The following GJB7 variants were observed in gnomAD, a reference collection of about 807,000 sequenced individuals.
The protein encoded by GJB7 is gap junction protein beta 7, also known as gap junction beta-7 protein.
For synonymous variants in GJB7, 87 were observed against 95.2 expected (o/e 0.91, Z 0.50); for missense variants, 253 against 256.8 (o/e 0.99, Z 0.10).
intron 2 of GJB7, among the ~76,000 whole-genome samples, chr6:87,315,378 TGAG>T (rs766196407): frequency 6.6e-6 from 1 of 152,278 alleles, no homozygotes; most frequent in South Asian, 2.1e-4. Context: ...AGTTGTTCCA[TGAG>T]ATTTGATATA....
rs751271087 is a variant in GJB7 at position 87,284,495 on chromosome 6, CAAGG to C, written c.414_417del (p.Phe138LeufsTer17). 65 of 1,610,580 alleles carry C rather than the reference CAAGG, an allele frequency of 4.0e-5. No individual in the cohort carries two copies. Among genetic ancestry groups the C allele is most frequent in the Middle Eastern group, 1.7e-4 (1 of 6,048 alleles). ...CCATCATATAGCTTATAAAATAAAA[CAAGG>C]AAGCCAATTTCAAAACCAGTTTTAA... On this transcript the variant is annotated frameshift_variant, in exon 3 of 3. Transcript: ENST00000525899. LOFTEE classifies it low-confidence loss of function (END_TRUNC).
chr6:87,301,243 C>T (rs988012429), intron 2 of GJB7, among the ~76,000 whole-genome samples: 3 of 152,220 alleles, frequency 2.0e-5, no homozygotes, highest in East Asian at 1.9e-4. Flanking sequence ...TCGCCTCACC[C>T]GGGAAGCACA....
chr6:87,325,841 G>C (rs1312689129), intron 1 of GJB7, among the ~76,000 whole-genome samples: 5 of 152,210 alleles, frequency 3.3e-5, no homozygotes, highest in Non-Finnish European at 7.3e-5. Flanking sequence ...AGAAGGAATG[G>C]TACCAGTTCC....
Position 87,284,630 on chromosome 6 carries a change from C to T in GJB7, c.283G>A (p.Val95Ile). Residue 95 changes from valine to isoleucine, a missense_variant, in exon 3 of 3, where the codon GTA becomes ATA. Val to Ile is a conservative substitution (Grantham distance 29, BLOSUM62 3). Coordinates refer to ENST00000525899, the MANE Select transcript of GJB7 (RefSeq NM_198568.3). ...STPSLLVVLH[V>I]AYHEGREKRH... ...TTCTCTCTACCCTCATGATAGGCTA[C>T]ATGTAAAACCACCAGAAGTGAAGGT... 2 of 1,614,134 alleles carry T rather than the reference C, an allele frequency of 1.2e-6. No individual in the cohort carries two copies. Among genetic ancestry groups the T allele is most frequent in the Non-Finnish European group, 1.7e-6 (2 of 1,180,026 alleles).
At chr6:87,306,888 A>G (rs1377631325) in intron 2 of GJB7, among the ~76,000 whole-genome samples, 3 of 152,206 alleles carry the variant, frequency 2.0e-5, no homozygotes, top group Non-Finnish European at 4.4e-5. Context: ...ACATGGATGA[A>G]TTGGAAATCA....
intron 1 of GJB7, among the ~76,000 whole-genome samples, chr6:87,324,949 G>T (rs531551869): frequency 6.6e-5 from 10 of 152,164 alleles, no homozygotes; most frequent in African/African-American, 1.9e-4. Context: ...ATTTCCTTGA[G>T]CAGTGGTTTG....
At chr6:87,295,374 A>G (rs1263412535) in intron 2 of GJB7, among the ~76,000 whole-genome samples, 1 of 152,176 alleles carries the variant, frequency 6.6e-6, no homozygotes, top group Non-Finnish European at 1.5e-5. Flanking sequence ...ATTACTTAGT[A>G]ATGATTGACA....
chr6:87,318,022 C>T (rs1471927708), intron 2 of GJB7, among the ~76,000 whole-genome samples: 6 of 151,450 alleles, frequency 4.0e-5, no homozygotes, highest in Middle Eastern at 3.2e-3. Flanking sequence ...TACAAAATGA[C>T]CTGACATGAA....
chr6:87,300,397 G>T (rs1776303306), intron 2 of GJB7: 3 of 245,304 alleles, frequency 1.2e-5, no homozygotes, highest in Non-Finnish European at 2.6e-5. Flanking sequence ...AATTTCTAAA[G>T]GGAAGAACCC....
intron 2 of GJB7, among the ~76,000 whole-genome samples, chr6:87,295,912 A>T (rs1776243523): frequency 6.6e-6 from 1 of 152,258 alleles, no homozygotes; most frequent in African/African-American, 2.4e-5. Context: ...ATTACCTAAC[A>T]TCAATTTAGC....
intron 2 of GJB7, among the ~76,000 whole-genome samples, chr6:87,315,407 G>C (rs952697458): frequency 6.6e-6 from 1 of 152,168 alleles, no homozygotes; most frequent in Admixed American, 6.5e-5. Flanking sequence ...GATAGGGAAG[G>C]CTTCCTTTCC....
At chr6:87,303,095 A>C (rs1253817021) in intron 2 of GJB7, among the ~76,000 whole-genome samples, 1 of 152,224 alleles carries the variant, frequency 6.6e-6, no homozygotes, top group Non-Finnish European at 1.5e-5. Context: ...AAGACCATCA[A>C]GGCTAGGAAG....
At chr6:87,293,696 T>C (rs1371105704) in intron 2 of GJB7, among the ~76,000 whole-genome samples, 2 of 152,248 alleles carry the variant, frequency 1.3e-5, no homozygotes, top group African/African-American at 4.8e-5. Flanking sequence ...GGACGTTTGT[T>C]GTTGCCACAA....
chr6:87,299,402 A>C, intron 2 of GJB7: 1 of 488,902 alleles, frequency 2.0e-6, no homozygotes, highest in Non-Finnish European at 4.1e-6. Context: ...AAAGGCATAA[A>C]GTTTGATTGA....
At chr6:87,308,273 G>A (rs1200381399) in intron 2 of GJB7, among the ~76,000 whole-genome samples, 9 of 152,122 alleles carry the variant, frequency 5.9e-5, no homozygotes, top group Admixed American at 5.2e-4. Context: ...TATACCTAAT[G>A]TAAATGACAA....
intron 2 of GJB7, among the ~76,000 whole-genome samples, chr6:87,320,482 A>G (rs545680321): frequency 3.3e-5 from 5 of 152,350 alleles, no homozygotes; most frequent in Admixed American, 6.5e-5. Context: ...CAGAAAGTCT[A>G]TGAGATAGGT....
chr6:87,310,120 C>T (rs1172273114), intron 2 of GJB7, among the ~76,000 whole-genome samples: 1 of 152,034 alleles, frequency 6.6e-6, no homozygotes, highest in Non-Finnish European at 1.5e-5. Flanking sequence ...AAAAATTCAT[C>T]TTGATTGCTA....
At chr6:87,326,358 T>G (rs955254487) in intron 1 of GJB7, among the ~76,000 whole-genome samples, 12 of 152,220 alleles carry the variant, frequency 7.9e-5, no homozygotes, top group African/African-American at 2.2e-4. Flanking sequence ...ATTGTGATGT[T>G]AGGGTGTCAA....
chr6:87,315,932 T>C (rs1015088957), intron 2 of GJB7, among the ~76,000 whole-genome samples: 3 of 152,150 alleles, frequency 2.0e-5, no homozygotes, highest in Non-Finnish European at 2.9e-5. Flanking sequence ...CCATTACATA[T>C]GGTAACATAA....
Sources: gnomAD v4.1 joint callset for allele counts (sites outside exome capture counted in the v4.1 genomes callset) on GRCh38, gnomAD v4.1.1 for gene constraint, MANE v1.5 for transcripts, NCBI Gene and HGNC (gene_info 2026-07-23, HGNC 2026-07-21) for gene names.